SORCS3: variants seen among roughly 807,000 people sequenced by gnomAD.
SORCS3 encodes the protein VPS10 domain-containing receptor SorCS3.
SORCS3 carries 57 observed loss-of-function variants against 146.3 expected under a neutral mutation model. That is an observed-to-expected ratio of 0.39 (90% CI 0.31 to 0.49). The LOEUF is 0.49. Among genes scored for constraint, SORCS3 ranks in the 20% least tolerant of loss-of-function variants. The pLI, the probability that SORCS3 is intolerant of heterozygous loss-of-function variation, is 0.92. For missense variants in SORCS3, 1,341 were observed against 1,575.5 expected, an observed-to-expected ratio of 0.85 and a Z score of 2.52; for synonymous variants, 653 against 618.5, an observed-to-expected ratio of 1.06 and a Z score of -0.83.
At chr10:104,665,577 C>G (rs2015764293) in intron 1 of SORCS3, 1 of 152,226 alleles carries the variant, frequency 6.6e-6, no homozygotes, top group African/African-American at 2.4e-5. Context: ...CCAAGCATTG[C>G]CCGTCATGAT....
At chr10:105,101,286 C>A (rs948405956) in intron 6 of SORCS3, among the ~76,000 whole-genome samples, 1 of 152,172 alleles carries the variant, frequency 6.6e-6, no homozygotes, top group African/African-American at 2.4e-5. Flanking sequence ...ATATTCCCTG[C>A]TCACCCTTGA....
chr10:105,150,171 T>C (rs1231707460), intron 9 of SORCS3, among the ~76,000 whole-genome samples: 1 of 152,132 alleles, frequency 6.6e-6, no homozygotes, highest in African/African-American at 2.4e-5. Context: ...GTTCCTTATT[T>C]ACCTGGTCAA....
At chr10:104,907,106 C>G (rs1241884659) in intron 2 of SORCS3, among the ~76,000 whole-genome samples, 1 of 150,472 alleles carries the variant, frequency 6.6e-6, no homozygotes, top group African/African-American at 2.5e-5. Flanking sequence ...CTGTCTTACT[C>G]TTGAATGCTG....
chr10:104,930,102 A>AG (rs2019191708), intron 3 of SORCS3, among the ~76,000 whole-genome samples: 4 of 152,228 alleles, frequency 2.6e-5, no homozygotes, highest in Non-Finnish European at 5.9e-5. Context: ...AAACGATCAG[A>AG]ATGGGACATT....
At chr10:104,659,639 AC>A (rs1475379365) in intron 1 of SORCS3, among the ~76,000 whole-genome samples, 1 of 152,130 alleles carries the variant, frequency 6.6e-6, no homozygotes, top group Non-Finnish European at 1.5e-5. Context: ...TGGGCAAGTT[AC>A]TTTTCTGAGA....
intron 5 of SORCS3, among the ~76,000 whole-genome samples, chr10:105,043,907 G>T (rs552322769): frequency 6.6e-6 from 1 of 152,032 alleles, no homozygotes; most frequent in Non-Finnish European, 1.5e-5. Context: ...TTTTATCTTG[G>T]TTGTAACAAG....
At chr10:105,001,559 C>T (rs73334069) in intron 4 of SORCS3, among the ~76,000 whole-genome samples, 8,131 of 152,230 alleles carry the variant, frequency 0.053, 250 homozygotes, top group Middle Eastern at 0.082. Context: ...CTTGAAATAG[C>T]ACTTTCCATT....
At chr10:105,197,069 T>C (rs1330761215) in intron 14 of SORCS3, among the ~76,000 whole-genome samples, 3 of 152,174 alleles carry the variant, frequency 2.0e-5, no homozygotes, top group African/African-American at 7.2e-5. Flanking sequence ...CTCATCTTTG[T>C]GTCTTTTATA....
chr10:104,759,997 G>T (rs150072866), intron 1 of SORCS3, among the ~76,000 whole-genome samples: 3 of 152,292 alleles, frequency 2.0e-5, no homozygotes, highest in Non-Finnish European at 4.4e-5. Context: ...CTAGAGATAC[G>T]GGGCCCAGGG....
chr10:105,067,493 C>T (rs1286305993), intron 5 of SORCS3, among the ~76,000 whole-genome samples: 1 of 152,228 alleles, frequency 6.6e-6, no homozygotes, highest in Non-Finnish European at 1.5e-5. Context: ...TGCCACTGCA[C>T]TCCTGCCTGG....
intron 1 of SORCS3, among the ~76,000 whole-genome samples, chr10:104,833,536 T>A (rs896362852): frequency 6.6e-6 from 1 of 152,258 alleles, no homozygotes; most frequent in South Asian, 2.1e-4. Flanking sequence ...GTCCATCTGA[T>A]GCTTGAAAGT....
intron 4 of SORCS3, among the ~76,000 whole-genome samples, chr10:104,984,657 C>T (rs1328657271): frequency 1.3e-5 from 2 of 151,954 alleles, no homozygotes; most frequent in Non-Finnish European, 2.9e-5. Flanking sequence ...CCATAATATC[C>T]ATGTAGCGAC....
At chr10:105,085,157 G>A (rs1328982789) in intron 5 of SORCS3, among the ~76,000 whole-genome samples, 3 of 152,184 alleles carry the variant, frequency 2.0e-5, no homozygotes, top group Non-Finnish European at 4.4e-5. Flanking sequence ...TAGAGGCCAG[G>A]GATGCTGCTG....
intron 20 of SORCS3, among the ~76,000 whole-genome samples, chr10:105,233,812 A>G (rs765052079): frequency 5.9e-5 from 9 of 152,128 alleles, no homozygotes; most frequent in Non-Finnish European, 1.3e-4. Flanking sequence ...TCTACCATTG[A>G]TGGGCATTTG....
chr10:104,887,243 G>C (rs1381207773), intron 2 of SORCS3, among the ~76,000 whole-genome samples: 1 of 152,194 alleles, frequency 6.6e-6, no homozygotes, highest in Admixed American at 6.5e-5. Context: ...TGGTTGGGAA[G>C]ACTTTTTGGG....
chr10:104,858,857 G>A (rs1291213411), intron 2 of SORCS3, among the ~76,000 whole-genome samples: 2 of 150,108 alleles, frequency 1.3e-5, no homozygotes, highest in Admixed American at 6.6e-5. Flanking sequence ...TCCTGACCTC[G>A]TGATCCGCCC....
intron 2 of SORCS3, among the ~76,000 whole-genome samples, chr10:104,882,997 G>A (rs1379988394): frequency 6.6e-6 from 1 of 152,186 alleles, no homozygotes; most frequent in Admixed American, 6.5e-5. Context: ...CAGGGAGGAA[G>A]GACACACATT....
chr10:104,836,421 G>A (rs560083454), intron 1 of SORCS3, among the ~76,000 whole-genome samples: 1 of 152,224 alleles, frequency 6.6e-6, no homozygotes, highest in African/African-American at 2.4e-5. Flanking sequence ...AGGAATAAAG[G>A]CATTAGTTGC....
chr10:104,709,151 T>C (rs2016383835), intron 1 of SORCS3, among the ~76,000 whole-genome samples: 1 of 152,188 alleles, frequency 6.6e-6, no homozygotes, highest in Admixed American at 6.5e-5. Context: ...TTTTATTGCA[T>C]CCACCTTCTG....
Sources: allele counts gnomAD v4.1 joint callset (sites outside exome capture counted in the v4.1 genomes callset), GRCh38; gene constraint gnomAD v4.1.1; transcripts MANE v1.5; gene names NCBI Gene and HGNC (gene_info 2026-07-23, HGNC 2026-07-21).